The following WDPCP variants were observed in gnomAD, a reference collection of about 807,000 sequenced individuals.
The protein encoded by WDPCP is WD repeat-containing and planar cell polarity effector protein fritz homolog.
WDPCP carries 71 observed loss-of-function variants against 93.1 expected under a neutral mutation model. That is an observed-to-expected ratio of 0.76 (90% confidence interval 0.63 to 0.93). The LOEUF (loss-of-function observed/expected upper bound fraction) is 0.93. Ranked by LOEUF, WDPCP falls within the 40% of genes least tolerant of loss-of-function variation. The probability of loss-of-function intolerance (pLI) is 0.00; values close to 1 mark genes in which losing one functional copy is unlikely to be tolerated. For missense variants in WDPCP, 844 were observed against 887.4 expected, an observed-to-expected ratio of 0.95 and a Z score of 0.62; for synonymous variants, 315 against 315.0, an observed-to-expected ratio of 1.00 and a Z score of 0.00.
intron 14 of WDPCP, among the ~76,000 whole-genome samples, chr2:63,201,799 T>C (rs1675935022): frequency 1.3e-5 from 2 of 152,160 alleles, no homozygotes; most frequent in Admixed American, 6.5e-5. Context: ...TCAAATATAT[T>C]TGCATAGAGT....
intron 14 of WDPCP, among the ~76,000 whole-genome samples, chr2:63,244,221 A>C (rs1310079951): frequency 6.6e-6 from 1 of 152,186 alleles, no homozygotes; most frequent in Non-Finnish European, 1.5e-5. Flanking sequence ...CAGTAAACAC[A>C]GTATTAAGAG....
At chr2:63,486,403 T>TTA (rs2105914752) in intron 4 of WDPCP, 139 bp downstream of exon 4, 1 of 677,178 alleles carries the variant, frequency 1.5e-6, no homozygotes, top group East Asian at 2.8e-5. Flanking sequence ...CAATTGTTAC[T>TTA]TATATGTTTA....
intron 12 of WDPCP, among the ~76,000 whole-genome samples, chr2:63,335,629 G>GA (rs1688300777): frequency 6.6e-6 from 1 of 152,098 alleles, no homozygotes; most frequent in African/African-American, 2.4e-5. Context: ...TGCTGGTGTA[G>GA]AAAAATGCTA....
intron 3 of WDPCP, among the ~76,000 whole-genome samples, chr2:63,634,946 G>T (rs1032932656): frequency 6.6e-6 from 1 of 152,046 alleles, no homozygotes; most frequent in Middle Eastern, 3.2e-3. Flanking sequence ...CTAAGAGCTG[G>T]TTTCTTGAGA....
rs1208991441 is a variant in WDPCP at position 63,433,810 on chromosome 2, G to C, written c.760C>G (p.Pro254Ala). 1.1e-5 allele frequency: 17 copies of C among 1,612,236 alleles called. No homozygotes were observed. The highest frequency in any genetic ancestry group is 1.4e-5 in the Non-Finnish European group (17 of 1,178,430). ...LVNDDAWPWA[P>A]ISSEKDRANL... ...GCTCTGTCCTTCTCAGAAGAAATGGGGGCCCAAGGCCAAGCATCATCGTTG... is the reference window on the plus strand; with the variant it reads ...GCTCTGTCCTTCTCAGAAGAAATGGCGGCCCAAGGCCAAGCATCATCGTTG... Residue 254 changes from proline (P) to alanine (A), a missense_variant, in exon 9 of 18, where the codon CCC becomes GCC. By Grantham distance (27) the Pro-to-Ala change is conservative. Coordinates refer to ENST00000272321, the MANE Select transcript of WDPCP (RefSeq NM_015910.7).
At chr2:63,721,771 G>C (rs964818044) in intron 2 of WDPCP, among the ~76,000 whole-genome samples, 94 of 125,610 alleles carry the variant, frequency 7.5e-4, no homozygotes, top group Non-Finnish European at 6.1e-4. Flanking sequence ...CTCTTTCCAC[G>C]GTCTCCCTCT....
intron 2 of WDPCP, among the ~76,000 whole-genome samples, chr2:63,694,000 T>A (rs1668927506): frequency 1.3e-5 from 2 of 152,216 alleles, no homozygotes; most frequent in South Asian, 4.1e-4. Flanking sequence ...TTATTTATAA[T>A]GCTTTCATAC....
At chr2:63,433,132 A>T (rs1176669810) in intron 9 of WDPCP, among the ~76,000 whole-genome samples, 1 of 152,196 alleles carries the variant, frequency 6.6e-6, no homozygotes, top group African/African-American at 2.4e-5. Context: ...GGATGATCAA[A>T]CCATTATCAT....
chr2:63,562,664 A>G (rs1389480995), intron 1 of WDPCP, among the ~76,000 whole-genome samples: 1 of 152,212 alleles, frequency 6.6e-6, no homozygotes, highest in Non-Finnish European at 1.5e-5. Flanking sequence ...ATTTTTCTAC[A>G]TAAGTTGGTA....
intron 6 of WDPCP, among the ~76,000 whole-genome samples, chr2:63,448,626 A>AAAACG (rs1698022739): frequency 6.6e-6 from 1 of 152,184 alleles, no homozygotes; most frequent in Non-Finnish European, 1.5e-5. Context: ...TTTGAGAATA[A>AAAACG]AAACGATCAC....
At chr2:63,632,572 T>C (rs970871769) in intron 3 of WDPCP, among the ~76,000 whole-genome samples, 1 of 151,904 alleles carries the variant, frequency 6.6e-6, no homozygotes, top group East Asian at 1.9e-4. Context: ...ATGCAATGAA[T>C]AAAATGCAAA....
At chr2:63,282,389 C>T (rs1453039542) in intron 13 of WDPCP, among the ~76,000 whole-genome samples, 1 of 152,152 alleles carries the variant, frequency 6.6e-6, no homozygotes, top group Non-Finnish European at 1.5e-5. Flanking sequence ...CCTGTAGTCC[C>T]AGCTACTCAG....
intron 2 of WDPCP, among the ~76,000 whole-genome samples, chr2:63,747,290 T>C (rs1227651437): frequency 1.3e-5 from 2 of 152,326 alleles, no homozygotes; most frequent in South Asian, 2.1e-4. Context: ...AAATTCTTAA[T>C]TTTAATTTAG....
chr2:63,706,862 C>T (rs917385141), intron 2 of WDPCP, among the ~76,000 whole-genome samples: 20 of 151,862 alleles, frequency 1.3e-4, no homozygotes, highest in African/African-American at 4.4e-4. Flanking sequence ...ATGATCCACC[C>T]GCCTCGGCCT....
chr2:63,751,058 C>T (rs1215359156), intron 2 of WDPCP, among the ~76,000 whole-genome samples: 1 of 152,058 alleles, frequency 6.6e-6, no homozygotes, highest in African/African-American at 2.4e-5. Flanking sequence ...GTTATTTCTT[C>T]AGTGAATGTT....
intron 15 of WDPCP, among the ~76,000 whole-genome samples, chr2:63,170,255 T>C (rs1327174793): frequency 6.6e-6 from 1 of 151,424 alleles, no homozygotes; most frequent in Non-Finnish European, 1.5e-5. Context: ...CTATTTTCCA[T>C]TTTTTTCTTT....
chr2:63,400,159 G>T (rs1250058033), intron 10 of WDPCP, among the ~76,000 whole-genome samples: 4 of 152,124 alleles, frequency 2.6e-5, no homozygotes, highest in Non-Finnish European at 4.4e-5. Context: ...ATGTTAAATT[G>T]TAGAAATCTA....
intron 2 of WDPCP, among the ~76,000 whole-genome samples, chr2:63,777,012 A>T (rs2103962339): frequency 6.6e-6 from 1 of 152,312 alleles, no homozygotes; most frequent in Admixed American, 6.5e-5. Context: ...ACAGTAGGAT[A>T]ACTACAGTTA....
At chr2:63,595,079 A>T in intron 3 of WDPCP, 1 of 348,870 alleles carries the variant, frequency 2.9e-6, no homozygotes, top group South Asian at 2.5e-5. Context: ...TTCATGTCAG[A>T]TACTGTACTT....
Sources: gnomAD v4.1 joint callset for allele counts (sites outside exome capture counted in the v4.1 genomes callset) on GRCh38, gnomAD v4.1.1 for gene constraint, MANE v1.5 for transcripts, NCBI Gene and HGNC (gene_info 2026-07-23, HGNC 2026-07-21) for gene names.